The following RBMS3 variants were observed in gnomAD, a reference collection of about 807,000 sequenced individuals.
RBMS3 encodes RNA binding motif single stranded interacting protein 3.
A neutral mutation model predicts 66.8 loss-of-function variants in RBMS3; 27 were observed. The observed-to-expected ratio is 0.40, with a 90% CI of 0.30 to 0.56. The LOEUF is 0.56. Ranked by LOEUF, RBMS3 falls within the 20% of genes least tolerant of loss-of-function variation. The pLI is 0.40. For missense variants in RBMS3, 513 were observed against 549.5 expected, an observed-to-expected ratio of 0.93 and a Z score of 0.66; for synonymous variants, 188 against 183.0, an observed-to-expected ratio of 1.03 and a Z score of -0.22.
At position 29,490,828 on chromosome 3, in the gene RBMS3, G is replaced by A. The variant is rs143817000; in HGVS notation, c.307+2329G>A. On this transcript the variant is annotated intron_variant, in intron 3 of 14. Transcript: ENST00000383767. ...TGGCATGTTAGAAGCATTAGAATGC[G>A]AATTATAGTGCATCTAGACCTGCCC... 2.2e-4 allele frequency among the ~76,000 whole-genome samples: 34 copies of A among 152,178 alleles called. No individual in the cohort carries two copies. In the East Asian group the frequency reaches 6.2e-3, roughly 28 times the overall value.
intron 6 of RBMS3, among the ~76,000 whole-genome samples, chr3:29,774,643 T>C (rs1206353781): frequency 2.0e-5 from 3 of 152,020 alleles, no homozygotes; most frequent in African/African-American, 7.2e-5. Context: ...CAAAAATATT[T>C]TTATCATAAT....
At chr3:29,548,354 C>A (rs189974073) in intron 3 of RBMS3, among the ~76,000 whole-genome samples, 5 of 151,868 alleles carry the variant, frequency 3.3e-5, no homozygotes, top group Admixed American at 3.3e-4. Flanking sequence ...CTCTTGAGCC[C>A]AGGATTTCAA....
At position 29,671,312 on chromosome 3, in the gene RBMS3, C is replaced by A. The variant is rs143049578; in HGVS notation, c.400-68408C>A. On this transcript the variant is annotated intron_variant, in intron 4 of 14. Coordinates refer to ENST00000383767, the MANE Select transcript of RBMS3 (RefSeq NM_001003793.3). Reference sequence around the variant, plus strand: ...CAAAGACCAAAGGTAGCTAAAACCACAAAGATGGGGAGAAACCAGAGCAGA... The same window carrying A: ...CAAAGACCAAAGGTAGCTAAAACCAAAAAGATGGGGAGAAACCAGAGCAGA... Among the ~76,000 whole-genome samples the A allele has an allele frequency of 7.6e-4, 116 of 152,332 alleles. 2 individuals carry two copies. The East Asian group carries it at 0.018, about 24-fold the overall frequency.
At chr3:29,724,316 G>A (rs1208482665) in intron 4 of RBMS3, among the ~76,000 whole-genome samples, 1 of 152,066 alleles carries the variant, frequency 6.6e-6, no homozygotes, top group Non-Finnish European at 1.5e-5. Flanking sequence ...CTCTTAAAGT[G>A]TTCTAAATTT....
chr3:29,494,021 C>G (rs2043647686), intron 3 of RBMS3, among the ~76,000 whole-genome samples: 1 of 152,112 alleles, frequency 6.6e-6, no homozygotes, highest in African/African-American at 2.4e-5. Context: ...ACAATTAAAT[C>G]TAAACATTAT....
chr3:29,515,347 A>G (rs1257318784), intron 3 of RBMS3, among the ~76,000 whole-genome samples: 1 of 152,220 alleles, frequency 6.6e-6, no homozygotes, highest in Non-Finnish European at 1.5e-5. Context: ...AGTAAGTGAT[A>G]TAATCTGAAT....
intron 4 of RBMS3, among the ~76,000 whole-genome samples, chr3:29,607,882 G>GA (rs2048364815): frequency 1.3e-5 from 2 of 151,772 alleles, no homozygotes; most frequent in South Asian, 2.1e-4. Flanking sequence ...CTAGTCTTAA[G>GA]AAAAAAATAA....
At chr3:29,679,664 A>G (rs1010696435) in intron 4 of RBMS3, among the ~76,000 whole-genome samples, 10 of 151,804 alleles carry the variant, frequency 6.6e-5, no homozygotes, top group African/African-American at 2.4e-4. Context: ...ACTCCTTTGG[A>G]ATTTTAGTTT....
intron 1 of RBMS3, among the ~76,000 whole-genome samples, chr3:29,420,564 T>TG (rs201138049): frequency 0.33 from 44,305 of 132,984 alleles, 6,542 homozygotes; most frequent in South Asian, 0.45. Flanking sequence ...AGGTTTGTTT[T>TG]TTTTTGTTTT....
chr3:29,331,406 C>G (rs2035645564), intron 1 of RBMS3, among the ~76,000 whole-genome samples: 1 of 152,082 alleles, frequency 6.6e-6, no homozygotes, highest in Non-Finnish European at 1.5e-5. Context: ...CCTGTAGTTT[C>G]CCAGTAGGAC....
intron 2 of RBMS3, among the ~76,000 whole-genome samples, chr3:29,446,342 T>C (rs1421756910): frequency 1.3e-5 from 2 of 152,182 alleles, no homozygotes; most frequent in African/African-American, 4.8e-5. Flanking sequence ...AATAGTTAAA[T>C]AAAATTCACC....
At chr3:29,715,737 A>G (rs2053365972) in intron 4 of RBMS3, among the ~76,000 whole-genome samples, 1 of 152,164 alleles carries the variant, frequency 6.6e-6, no homozygotes. Flanking sequence ...GTAAAAGCAT[A>G]GAGCCTATTC....
chr3:29,525,875 G>C (rs2045073750), intron 3 of RBMS3, among the ~76,000 whole-genome samples: 1 of 152,136 alleles, frequency 6.6e-6, no homozygotes, highest in South Asian at 2.1e-4. Flanking sequence ...CATTATCTCA[G>C]TGCTTATGCT....
At chr3:29,754,036 C>CA (rs2055302035) in intron 5 of RBMS3, among the ~76,000 whole-genome samples, 1 of 151,888 alleles carries the variant, frequency 6.6e-6, no homozygotes, top group Admixed American at 6.6e-5. Context: ...TGGCTGACTG[C>CA]AACTTCTGCC....
chr3:29,957,427 G>C (rs534533951), intron 12 of RBMS3, among the ~76,000 whole-genome samples: 7 of 152,072 alleles, frequency 4.6e-5, no homozygotes, highest in Non-Finnish European at 1.0e-4. Flanking sequence ...GATTAAAATA[G>C]CAAGAGGAAA....
At chr3:29,413,375 TACA>T (rs2040353569) in intron 1 of RBMS3, among the ~76,000 whole-genome samples, 16 of 58,332 alleles carry the variant, frequency 2.7e-4, no homozygotes, top group Admixed American at 2.1e-3. Flanking sequence ...ATCTCATTCA[TACA>T]TACATACATA....
chr3:29,883,940 G>T (rs1329782318), intron 7 of RBMS3, among the ~76,000 whole-genome samples: 1 of 151,840 alleles, frequency 6.6e-6, no homozygotes, highest in East Asian at 1.9e-4. Context: ...ATTGTTTCTT[G>T]GTATGTCTGA....
At chr3:29,763,123 TA>T (rs2055769941) in intron 6 of RBMS3, 134 bp downstream of exon 6, 1 of 589,408 alleles carries the variant, frequency 1.7e-6, no homozygotes, top group East Asian at 3.1e-5. Context: ...TATTTTCAAA[TA>T]ATACTGTGTA....
intron 1 of RBMS3, among the ~76,000 whole-genome samples, chr3:29,304,088 T>C (rs1447363030): frequency 6.6e-6 from 1 of 151,966 alleles, no homozygotes; most frequent in East Asian, 1.9e-4. Context: ...CAAGATGAGA[T>C]TTCAGTGGGG....
Sources: allele counts gnomAD v4.1 joint callset (sites outside exome capture counted in the v4.1 genomes callset), GRCh38; gene constraint gnomAD v4.1.1; transcripts MANE v1.5; gene names NCBI Gene and HGNC (gene_info 2026-07-23, HGNC 2026-07-21).